Variants in PSPC1 observed in about 807,000 individuals in gnomAD.
PSPC1 encodes the protein paraspeckle component 1.
PSPC1 carries 14 observed loss-of-function variants against 51.6 expected under a neutral mutation model. The observed-to-expected ratio is 0.27, with a 90% CI of 0.18 to 0.42. PSPC1 has a LOEUF of 0.42. Ranked by LOEUF, PSPC1 falls within the 10% of genes least tolerant of loss-of-function variation. The probability of loss-of-function intolerance (pLI) is 1.00; values close to 1 mark genes in which losing one functional copy is unlikely to be tolerated. For synonymous variants in PSPC1, 193 were observed against 231.9 expected, an observed-to-expected ratio of 0.83 and a Z score of 1.53; for missense variants, 406 against 701.1, an observed-to-expected ratio of 0.58 and a Z score of 4.75.
intron 6 of PSPC1, among the ~76,000 whole-genome samples, chr13:19,717,287 C>T (rs1024417167): frequency 6.6e-6 from 1 of 151,854 alleles, no homozygotes; most frequent in South Asian, 2.1e-4. Flanking sequence ...TAAACTGGGC[C>T]GGACATGGTG....
At chr13:19,719,585 G>A (rs1016517154) in intron 6 of PSPC1, among the ~76,000 whole-genome samples, 1 of 152,206 alleles carries the variant, frequency 6.6e-6, no homozygotes, top group Non-Finnish European at 1.5e-5. Flanking sequence ...AACTTACTGT[G>A]TTCATTAACT....
Position 19,774,292 on chromosome 13 carries a change from T to C in PSPC1, c.373-1749A>G, listed in dbSNP as rs142416446. 6.9e-3 allele frequency among the ~76,000 whole-genome samples: 1,046 copies of C among 152,264 alleles called. 7 individuals carry two copies. Among genetic ancestry groups the C allele is most frequent in the African/African-American group, 0.024 (992 of 41,550 alleles). Reference sequence around the variant, plus strand: ...CAACTGAAGAGGCTTTATATGTATATGTAAGAAGAATACAAACATACTGTC... The same window carrying C: ...CAACTGAAGAGGCTTTATATGTATACGTAAGAAGAATACAAACATACTGTC... On this transcript the variant is annotated intron_variant, in intron 1 of 8. Coordinates refer to ENST00000338910, the MANE Select transcript of PSPC1 (RefSeq NM_001354909.2).
At chr13:19,698,631 A>G (rs899548074), downstream of PSPC1, among the ~76,000 whole-genome samples, 2 of 151,898 alleles carry the variant, frequency 1.3e-5, no homozygotes, top group African/African-American at 4.8e-5. Flanking sequence ...CTGAAATTTT[A>G]TTTATGTGTA....
chr13:19,682,570 T>TA (rs1443233800), intron 6 of PSPC1, among the ~76,000 whole-genome samples: 1 of 146,760 alleles, frequency 6.8e-6, no homozygotes, highest in African/African-American at 2.5e-5. Flanking sequence ...TCAGGCTCAC[T>TA]AAAAAAAGTT....
intron 2 of PSPC1, among the ~76,000 whole-genome samples, chr13:19,762,509 G>A (rs1309209631): frequency 2.6e-5 from 4 of 152,132 alleles, no homozygotes; most frequent in Non-Finnish European, 5.9e-5. Context: ...GCAGTGAGCC[G>A]AGATCGTGCC....
intron 5 of PSPC1, among the ~76,000 whole-genome samples, chr13:19,736,500 A>G (rs9508866): frequency 0.016 from 2,433 of 151,744 alleles, 35 homozygotes; most frequent in African/African-American, 0.035. Flanking sequence ...TGGCTAACAC[A>G]GTGAAACCCC....
At chr13:19,692,525 G>C (rs35692865) in intron 6 of PSPC1, among the ~76,000 whole-genome samples, 1 of 152,156 alleles carries the variant, frequency 6.6e-6, no homozygotes, top group South Asian at 2.1e-4. Flanking sequence ...ACAGATGGTA[G>C]GTCCTGTGAG....
intron 1 of PSPC1, among the ~76,000 whole-genome samples, chr13:19,774,805 C>CAAA (rs748014285): frequency 1.8e-5 from 1 of 56,176 alleles, no homozygotes; most frequent in Non-Finnish European, 3.7e-5. Context: ...ACTCTGTGTC[C>CAAA]AAAAAAAAAA....
At chr13:19,678,149 T>C (rs1478853041) in intron 6 of PSPC1, 2 of 275,322 alleles carry the variant, frequency 7.3e-6, no homozygotes, top group Non-Finnish European at 1.4e-5. Context: ...CCTCCTTATT[T>C]CCACAGGCCC....
At chr13:19,753,978 T>A (rs1367991709) in intron 3 of PSPC1, among the ~76,000 whole-genome samples, 1 of 151,994 alleles carries the variant, frequency 6.6e-6, no homozygotes, top group Admixed American at 6.6e-5. Context: ...TTAAATTATT[T>A]ATTTTCTTTC....
chr13:19,723,723 ATATG>A (rs1360255329), intron 6 of PSPC1, among the ~76,000 whole-genome samples: 1 of 152,222 alleles, frequency 6.6e-6, no homozygotes, highest in African/African-American at 2.4e-5. Context: ...AAACTTATAT[ATATG>A]TTTGTTTTTA....
intron 4 of PSPC1, among the ~76,000 whole-genome samples, chr13:19,743,380 A>G (rs545261871): frequency 6.6e-6 from 1 of 152,168 alleles, no homozygotes; most frequent in Non-Finnish European, 1.5e-5. Flanking sequence ...GGTACCAATA[A>G]CCCAAACTTC....
chr13:19,778,388 TCCCC>T (rs1889438966), intron 1 of PSPC1, among the ~76,000 whole-genome samples: 8 of 26,586 alleles, frequency 3.0e-4, no homozygotes, highest in Admixed American at 1.1e-3. Flanking sequence ...CCCCTCCCCC[TCCCC>T]CTCCCTCTCC....
chr13:19,673,010 A>G, downstream of PSPC1: 1 of 430,622 alleles, frequency 2.3e-6, no homozygotes, highest in Non-Finnish European at 4.5e-6. Context: ...GAGCCGTGAA[A>G]GGCCACTGCA....
At chr13:19,762,330 C>T (rs1242753415) in intron 2 of PSPC1, among the ~76,000 whole-genome samples, 4 of 151,288 alleles carry the variant, frequency 2.6e-5, no homozygotes, top group African/African-American at 7.3e-5. Flanking sequence ...GGCCGAGGTG[C>T]GTGGATCACG....
chr13:19,782,710 C>T lies in PSPC1; in HGVS notation c.48G>A (p.Pro16=). The T allele has an allele frequency of 6.4e-7, 1 of 1,570,046 alleles. No individual in the cohort carries two copies. The highest frequency in any genetic ancestry group is 8.6e-7 in the Non-Finnish European group (1 of 1,168,846). Residue 16 remains proline (P), a synonymous_variant, in exon 1 of 9, where the codon CCG becomes CCA. Transcript: ENST00000338910. The surrounding 1 kb of genome is among the most constrained non-coding windows in gnomAD (Gnocchi z 4.5). ...CGGACTCCAGGGCGCGAAGGCGGGCCGGGTTTTTCTCAATGCGCACTTGCT... is the reference window on the plus strand; with the variant it reads ...CGGACTCCAGGGCGCGAAGGCGGGCTGGGTTTTTCTCAATGCGCACTTGCT... The part of the protein sequence containing the change: ...NLKQVRIEKN[P]ARLRALESAV...
rs1330283169 is a variant in PSPC1, at chr13:19,748,181, T to C, written c.967+3090A>G. ...CTACAATGAGCTGAAGTTGCACCACTGCACTCCAGCTTGGGCGAAGAGCAA... is the reference window on the plus strand; with the variant it reads ...CTACAATGAGCTGAAGTTGCACCACCGCACTCCAGCTTGGGCGAAGAGCAA... On this transcript the variant is annotated intron_variant, in intron 4 of 8. Transcript: ENST00000338910. 2.0e-5 allele frequency among the ~76,000 whole-genome samples: 3 copies of C among 150,742 alleles called. No homozygotes were observed. In the East Asian group the frequency reaches 5.8e-4, roughly 29 times the overall value.
chr13:19,763,313 G>A (rs761659419), intron 2 of PSPC1, among the ~76,000 whole-genome samples: 1 of 152,026 alleles, frequency 6.6e-6, no homozygotes, highest in South Asian at 2.1e-4. Flanking sequence ...GAGTGACTAC[G>A]TCTGTCCAGG....
At chr13:19,696,461 G>C (rs1593549837) in intron 6 of PSPC1, among the ~76,000 whole-genome samples, 1 of 151,578 alleles carries the variant, frequency 6.6e-6, no homozygotes, top group African/African-American at 2.4e-5. Context: ...TTTTTATTGT[G>C]CTGCATAATT....
Sources: gnomAD v4.1 joint callset for allele counts (sites outside exome capture counted in the v4.1 genomes callset) on GRCh38, gnomAD v4.1.1 for gene constraint, Gnocchi (gnomAD v3.1) non-coding constraint, MANE v1.5 for transcripts, NCBI Gene and HGNC (gene_info 2026-07-23, HGNC 2026-07-21) for gene names.